The following HS2ST1 variants were observed in gnomAD, a reference collection of about 807,000 sequenced individuals.
HS2ST1 encodes the protein heparan sulfate 2-O-sulfotransferase 1, also known as 2-O-sulfotransferase.
Under a neutral mutation model 42.9 loss-of-function variants are expected in HS2ST1, and 18 were observed. That is an observed-to-expected ratio of 0.42 (90% CI 0.29 to 0.62). HS2ST1 has a LOEUF of 0.62. Among genes scored for constraint, HS2ST1 ranks in the 20% least tolerant of loss-of-function variants. The pLI, the probability that HS2ST1 is intolerant of heterozygous loss-of-function variation, is 0.21. For synonymous variants in HS2ST1, 146 were observed against 152.9 expected, an observed-to-expected ratio of 0.95 and a Z score of 0.33; for missense variants, 334 against 433.8, an observed-to-expected ratio of 0.77 and a Z score of 2.04.
intron 2 of HS2ST1, among the ~76,000 whole-genome samples, chr1:87,081,988 A>G (rs1026972608): frequency 1.2e-4 from 18 of 151,404 alleles, no homozygotes; most frequent in Admixed American, 3.9e-4. Context: ...AAAAAAAGAA[A>G]AAAAAGAAAA....
intron 4 of HS2ST1, among the ~76,000 whole-genome samples, chr1:87,095,848 A>G (rs1001315634): frequency 6.6e-6 from 1 of 152,152 alleles, no homozygotes; most frequent in Admixed American, 6.5e-5. Flanking sequence ...ATGTTAACAT[A>G]AATTATATTT....
chr1:86,953,717 C>T (rs1307035687), intron 1 of HS2ST1, among the ~76,000 whole-genome samples: 1 of 152,050 alleles, frequency 6.6e-6, no homozygotes, highest in Admixed American at 6.6e-5. Flanking sequence ...TGAGATTGCA[C>T]CACTGCACTC....
intron 1 of HS2ST1, among the ~76,000 whole-genome samples, chr1:86,942,668 T>A (rs1004951055): frequency 1.3e-5 from 2 of 152,128 alleles, no homozygotes. Context: ...GGTATTGGGG[T>A]AGAGACAGAG....
intron 4 of HS2ST1, among the ~76,000 whole-genome samples, chr1:87,093,265 T>G (rs899201836): frequency 2.0e-5 from 3 of 152,100 alleles, no homozygotes; most frequent in Non-Finnish European, 4.4e-5. Flanking sequence ...GGACACGATC[T>G]CAGACCTAGC....
At chr1:86,963,582 A>T (rs1253806457) in intron 1 of HS2ST1, among the ~76,000 whole-genome samples, 2 of 152,146 alleles carry the variant, frequency 1.3e-5, no homozygotes, top group African/African-American at 4.8e-5. Flanking sequence ...CAATAATCTG[A>T]TTTCTCTATC....
intron 1 of HS2ST1, among the ~76,000 whole-genome samples, chr1:86,929,574 G>A (rs1385241177): frequency 6.6e-6 from 1 of 151,786 alleles, no homozygotes; most frequent in Non-Finnish European, 1.5e-5. Context: ...ACAATTTAAA[G>A]ATAGATTTAT....
rs1172137500 is a variant in HS2ST1, at chr1:87,092,612, G to T, written c.531G>T (p.Leu177=). The T allele has an allele frequency of 6.3e-7, 1 of 1,590,994 alleles. No homozygotes were observed. Among genetic ancestry groups the T allele is most frequent in the South Asian group, 1.1e-5 (1 of 87,804 alleles). The change falls in exon 4 of 7, where the codon CTG becomes CTT. Residue 177 remains leucine, a synonymous_variant. Transcript: ENST00000370550. ...IERLVSYYYF[L]RFGDDYRPGL... ...GGCTAGTTTCTTATTATTACTTTCTGAGATTTGGAGATGATTATAGACCAG... is the reference window on the plus strand; with the variant it reads ...GGCTAGTTTCTTATTATTACTTTCTTAGATTTGGAGATGATTATAGACCAG...
At chr1:87,002,883 T>C (rs937613811) in intron 1 of HS2ST1, among the ~76,000 whole-genome samples, 1 of 152,198 alleles carries the variant, frequency 6.6e-6, no homozygotes, top group African/African-American at 2.4e-5. Flanking sequence ...GAACAATGGC[T>C]CTTGCAACTT....
In HS2ST1 at chr1:86,935,655, G is replaced by C. The variant is rs375303430; in HGVS notation, c.124+20495G>C. On this transcript the variant is annotated intron_variant, in intron 1 of 6. Coordinates refer to ENST00000370550, the MANE Select transcript of HS2ST1 (RefSeq NM_012262.4). ...TTTTTTATATGTTTAGTAGAGATGG[G>C]GTTTTGCCGTGTTGACCAGGCTAGT... is the stretch of plus-strand genomic sequence containing the variant. Among the ~76,000 whole-genome samples the C allele has an allele frequency of 2.0e-5, 3 of 151,444 alleles. No homozygotes were observed. In the East Asian group the frequency reaches 5.8e-4, roughly 29 times the overall value.
chr1:87,060,471 A>G (rs890874062), intron 1 of HS2ST1, among the ~76,000 whole-genome samples: 8 of 152,162 alleles, frequency 5.3e-5, no homozygotes, highest in South Asian at 4.1e-4. Context: ...TTGACCTGTA[A>G]TGGTATCCTG....
At chr1:87,076,129 C>T (rs1425843564) in intron 2 of HS2ST1, among the ~76,000 whole-genome samples, 2 of 151,936 alleles carry the variant, frequency 1.3e-5, no homozygotes, top group African/African-American at 2.4e-5. Context: ...GACCTAATCC[C>T]GAGAAAACAA....
At chr1:87,053,712 C>CTTT (rs1650888646) in intron 1 of HS2ST1, among the ~76,000 whole-genome samples, 1 of 152,100 alleles carries the variant, frequency 6.6e-6, no homozygotes, top group South Asian at 2.1e-4. Flanking sequence ...CTGCAGTATA[C>CTTT]TTTGAGTATC....
At chr1:86,959,736 T>C (rs1466408506) in intron 1 of HS2ST1, among the ~76,000 whole-genome samples, 1 of 16,814 alleles carries the variant, frequency 5.9e-5, no homozygotes, top group Non-Finnish European at 1.1e-4. Context: ...TAGATATAAA[T>C]CTTGCAACAT....
chr1:87,055,597 T>C (rs1359013064), intron 1 of HS2ST1, among the ~76,000 whole-genome samples: 2 of 152,252 alleles, frequency 1.3e-5, no homozygotes, highest in African/African-American at 2.4e-5. Context: ...AATGGCTCTT[T>C]ATCGCTTATA....
chr1:86,993,701 T>A (rs1220670412), intron 1 of HS2ST1, among the ~76,000 whole-genome samples: 9 of 152,194 alleles, frequency 5.9e-5, no homozygotes, highest in Admixed American at 2.0e-4. Context: ...AAGAAGTTTA[T>A]TAAAGTGTGC....
chr1:86,949,048 G>C (rs987305293), intron 1 of HS2ST1, among the ~76,000 whole-genome samples: 4 of 152,124 alleles, frequency 2.6e-5, no homozygotes, highest in Admixed American at 1.3e-4. Flanking sequence ...TTAAGTTTCT[G>C]TTACATGTAT....
chr1:87,000,135 A>C (rs1199165052), intron 1 of HS2ST1, among the ~76,000 whole-genome samples: 2 of 152,042 alleles, frequency 1.3e-5, no homozygotes, highest in Non-Finnish European at 2.9e-5. Context: ...TGAAAATCCC[A>C]AAAGTAGTAC....
At chr1:86,984,696 G>A (rs1460244465) in intron 1 of HS2ST1, among the ~76,000 whole-genome samples, 2 of 151,888 alleles carry the variant, frequency 1.3e-5, no homozygotes, top group Admixed American at 6.6e-5. Flanking sequence ...GACCAGCTTG[G>A]CCAACACAGT....
chr1:86,944,091 G>A (rs888731405), intron 1 of HS2ST1, among the ~76,000 whole-genome samples: 4 of 152,098 alleles, frequency 2.6e-5, no homozygotes, highest in African/African-American at 4.8e-5. Flanking sequence ...TTCATGGTGG[G>A]TAGGGGGTGA....
Sources: gnomAD v4.1 joint callset for allele counts (sites outside exome capture counted in the v4.1 genomes callset) on GRCh38, gnomAD v4.1.1 for gene constraint, MANE v1.5 for transcripts, NCBI Gene and HGNC (gene_info 2026-07-23, HGNC 2026-07-21) for gene names.